Variants in PRDM11 observed in about 807,000 individuals in gnomAD.
PRDM11 encodes the protein PR/SET domain 11.
PRDM11 carries 20 observed loss-of-function variants against 97.8 expected under a neutral mutation model. The observed-to-expected ratio is 0.20, with a 90% CI of 0.14 to 0.30. The LOEUF (loss-of-function observed/expected upper bound fraction) is 0.30, where lower values mean the gene tolerates loss of function less well. PRDM11 is among the 10% of genes least tolerant of loss of function. The pLI is 1.00. For missense variants in PRDM11, 1,139 were observed against 1,555.2 expected (o/e 0.73, Z 4.50); for synonymous variants, 599 against 637.7 (o/e 0.94, Z 0.91).
upstream of PRDM11, among the ~76,000 whole-genome samples, chr11:45,145,668 G>A (rs900775763): frequency 6.6e-6 from 1 of 152,214 alleles, no homozygotes; most frequent in Non-Finnish European, 1.5e-5. Flanking sequence ...CTTGGTAGGA[G>A]AGACGTCGCC....
chr11:45,150,539 G>A (rs1851634742), intron 1 of PRDM11, among the ~76,000 whole-genome samples: 1 of 152,208 alleles, frequency 6.6e-6, no homozygotes, highest in Non-Finnish European at 1.5e-5. Context: ...GCGGGCTGGT[G>A]GGTCCAGCTG....
rs61880323 is a variant in PRDM11, at chr11:45,229,797, G to A, written c.*1638G>A. ...GATCTGAATTATATACATGTGGTCAGTTCTGCTGAGAGCTTCATCTCTTGG... is the reference window on the plus strand; with the variant it reads ...GATCTGAATTATATACATGTGGTCAATTCTGCTGAGAGCTTCATCTCTTGG... On this transcript the variant is annotated 3_prime_UTR_variant, in exon 8 of 8. Transcript: ENST00000683152. The A allele has an allele frequency of 0.11, 17,223 of 152,248 alleles. 1,398 individuals carry two copies. Among genetic ancestry groups the A allele is most frequent in the Admixed American group, 0.27 (4,074 of 15,286 alleles). 9.4% of individuals were successfully genotyped at this position (152,248 alleles called of 1,614,324 possible).
intron 5 of PRDM11, chr11:45,214,323 CT>C (rs879498847): frequency 7.2e-4 from 110 of 152,436 alleles, no homozygotes; most frequent in Non-Finnish European, 9.9e-4. Context: ...GCTCTGTGTC[CT>C]TTTTTTTCCC....
At chr11:45,125,966 T>C (rs1162486874) in intron 1 of PRDM11, among the ~76,000 whole-genome samples, 5 of 152,218 alleles carry the variant, frequency 3.3e-5, no homozygotes, top group Non-Finnish European at 7.3e-5. Flanking sequence ...TATTATTGTG[T>C]GGGAGTCTAA....
intron 1 of PRDM11, among the ~76,000 whole-genome samples, chr11:45,121,239 A>G (rs1852423914): frequency 6.6e-6 from 1 of 152,172 alleles, no homozygotes; most frequent in South Asian, 2.1e-4. Context: ...TTGAACTAAA[A>G]AAACAAGATG....
Position 45,227,218 on chromosome 11 carries a change from G to T in PRDM11, c.2593G>T (p.Ala865Ser), listed in dbSNP as rs907481708. Reference protein sequence around the residue: ...QTQRADASAIALALLQFLMDY... With the variant: ...QTQRADASAISLALLQFLMDY... ...CCAGCGGGCAGACGCCTCGGCCATC[G>T]CACTGGCCCTGCTGCAGTTCCTCAT... The change falls in exon 8 of 8, where the codon GCA becomes TCA. Residue 865 changes from alanine to serine, a missense_variant. Ala to Ser is a moderately conservative substitution (Grantham distance 99). Around this residue, in one of 2 missense-constraint regions of PRDM11, gnomAD observed 710 missense variants for 1,044.9 expected, o/e 0.68. Coordinates refer to ENST00000683152, the MANE Select transcript of PRDM11 (RefSeq NM_001384648.1). The surrounding 1 kb of genome is among the most constrained non-coding windows in gnomAD (Gnocchi z 8.0). 4 of 1,533,970 alleles carry T rather than the reference G, an allele frequency of 2.6e-6. No individual in the cohort carries two copies. The highest frequency in any genetic ancestry group is 3.5e-6 in the Non-Finnish European group (4 of 1,146,730).
At chr11:45,142,880 A>G (rs1357050037), upstream of PRDM11, among the ~76,000 whole-genome samples, 5 of 152,344 alleles carry the variant, frequency 3.3e-5, no homozygotes, top group East Asian at 9.6e-4. Context: ...TATTTAAAGC[A>G]TTTATCTCTT....
intron 5 of PRDM11, among the ~76,000 whole-genome samples, chr11:45,218,590 A>T (rs1254932408): frequency 6.6e-6 from 1 of 152,208 alleles, no homozygotes; most frequent in African/African-American, 2.4e-5. Context: ...TTTTTACTAC[A>T]AATTTCCTAG....
intron 1 of PRDM11, among the ~76,000 whole-genome samples, chr11:45,128,227 A>T (rs997023065): frequency 1.6e-4 from 24 of 152,074 alleles, no homozygotes; most frequent in African/African-American, 5.6e-4. Flanking sequence ...GGAGTGACCC[A>T]ATTTTCCAGG....
upstream of PRDM11, among the ~76,000 whole-genome samples, chr11:45,145,057 T>G (rs1454023704): frequency 6.6e-6 from 1 of 152,154 alleles, no homozygotes; most frequent in African/African-American, 2.4e-5. Flanking sequence ...AACTTACAGT[T>G]GCATTGAACC....
At chr11:45,095,661 A>T, upstream of PRDM11, 1 of 608,722 alleles carries the variant, frequency 1.6e-6, no homozygotes, top group Non-Finnish European at 3.0e-6. Context: ...ATGCAATAGA[A>T]CTGCAACCCC....
At chr11:45,182,814 C>G in intron 3 of PRDM11, 47 bp from the exon 4 acceptor site, 2 of 1,530,086 alleles carry the variant, frequency 1.3e-6, no homozygotes, top group South Asian at 1.3e-5. Context: ...GGGGGTCTTA[C>G]CTCCCTGCAA....
chr11:45,234,666 C>T lies in PRDM11; in HGVS notation c.*6507C>T, dbSNP rs1191074260. ...GGCACCAAGGGACCGAGCCCTCTGTCCAGAGGGGGACAGCGGTCACAATAC... is the reference window on the plus strand; with the variant it reads ...GGCACCAAGGGACCGAGCCCTCTGTTCAGAGGGGGACAGCGGTCACAATAC... On this transcript the variant is annotated 3_prime_UTR_variant, in exon 8 of 8. Coordinates refer to ENST00000683152, the MANE Select transcript of PRDM11 (RefSeq NM_001384648.1). The T allele has an allele frequency of 6.6e-6, 1 of 152,204 alleles. No homozygotes were observed. The highest frequency in any genetic ancestry group is 6.5e-5 in the Admixed American group (1 of 15,274). The allele number at this position is 152,204 out of a possible 1,614,324, so 9.4% of individuals were successfully genotyped here.
rs749043975 is a variant in PRDM11, at chr11:45,224,550, C to T, written c.1076C>T (p.Thr359Ile). Residue 359 changes from threonine (T) to isoleucine (I), a missense_variant, in exon 7 of 8, where the codon ACC (threonine) becomes ATC (isoleucine). Physicochemically the swap from Thr to Ile is moderately conservative, Grantham distance 89. This residue lies in a region of PRDM11 where 429 missense variants were observed against 510.3 expected (regional missense o/e 0.84). Coordinates refer to ENST00000683152, the MANE Select transcript of PRDM11 (RefSeq NM_001384648.1). The stretch of plus-strand genomic sequence containing the variant: ...CATGGTGTGCAGAATATAGGCCAGA[C>T]CCAGGGGGAGGGGGACTGGAAGGTC... ...MTHGVQNIGQ[T>I]QGEGDWKVPQ... 1 of 1,614,072 alleles carries T rather than the reference C, an allele frequency of 6.2e-7. No individual in the cohort carries two copies. Among genetic ancestry groups the T allele is most frequent in the Non-Finnish European group, 8.5e-7 (1 of 1,180,028 alleles).
At chr11:45,203,535 A>G (rs1460443640) in intron 4 of PRDM11, among the ~76,000 whole-genome samples, 1 of 151,940 alleles carries the variant, frequency 6.6e-6, no homozygotes, top group African/African-American at 2.4e-5. Flanking sequence ...GCTCTGAGAT[A>G]TTTTTCCAGA....
upstream of PRDM11, among the ~76,000 whole-genome samples, chr11:45,142,341 C>T (rs189794644): frequency 6.6e-6 from 1 of 152,200 alleles, no homozygotes; most frequent in Non-Finnish European, 1.5e-5. Flanking sequence ...CCAATTCCAT[C>T]CTGCTCAGGG....
intron 1 of PRDM11, among the ~76,000 whole-genome samples, chr11:45,117,461 AAGCAGGTTG>A (rs1439177453): frequency 6.6e-6 from 1 of 152,208 alleles, no homozygotes; most frequent in African/African-American, 2.4e-5. Context: ...CAAAGAGGAG[AAGCAGGTTG>A]AGTGTGGTGC....
chr11:45,128,508 C>T (rs1852639646), intron 1 of PRDM11, among the ~76,000 whole-genome samples: 1 of 150,666 alleles, frequency 6.6e-6, no homozygotes, highest in South Asian at 2.1e-4. Flanking sequence ...GCGCACCCCC[C>T]CTCCCCCCGC....
intron 4 of PRDM11, among the ~76,000 whole-genome samples, chr11:45,204,472 G>T (rs1427218654): frequency 6.6e-6 from 1 of 152,192 alleles, no homozygotes; most frequent in Admixed American, 6.5e-5. Context: ...CCTCTGAAGG[G>T]CTTTGTGTGT....
Sources: allele counts gnomAD v4.1 joint callset (sites outside exome capture counted in the v4.1 genomes callset), GRCh38; gene constraint gnomAD v4.1.1; regional missense constraint gnomAD v4.1.1; non-coding constraint Gnocchi (gnomAD v3.1); transcripts MANE v1.5; gene names NCBI Gene and HGNC (gene_info 2026-07-23, HGNC 2026-07-21).